Variants in ENTPD5 observed in about 807,000 individuals in gnomAD.
ENTPD5 encodes ectonucleoside triphosphate diphosphohydrolase 5 (inactive).
ENTPD5 carries 49 observed loss-of-function variants against 60.2 expected under a neutral mutation model. The observed-to-expected ratio is 0.81, with a 90% CI of 0.65 to 1.03. ENTPD5 has a LOEUF of 1.03. Among genes scored for constraint, ENTPD5 ranks in the 50% least tolerant of loss-of-function variants. The pLI is 0.00. For synonymous variants in ENTPD5, 187 were observed against 185.4 expected (o/e 1.01, Z -0.07); for missense variants, 480 against 507.6 (o/e 0.95, Z 0.52).
In ENTPD5 at chr14:73,987,883, T is replaced by TA; in HGVS notation, c.217+2dup. On this transcript the variant is annotated splice_region_variant and intron_variant, in intron 4 of 15. Transcript: ENST00000334696. ...CTCTACTAAGGGTCCCAGTTGCACT[T>TA]ACCTGGCATTTTCTGCACAAAGGTG... is the stretch of plus-strand genomic sequence containing the variant. 2 of 1,614,076 alleles carry TA rather than the reference T, an allele frequency of 1.2e-6. No homozygotes were observed. The highest frequency in any genetic ancestry group is 1.7e-6 in the Non-Finnish European group (2 of 1,179,990).
At chr14:73,983,675 A>T (rs2057783896) in intron 5 of ENTPD5, among the ~76,000 whole-genome samples, 1 of 127,670 alleles carries the variant, frequency 7.8e-6, no homozygotes, top group South Asian at 3.1e-4. Flanking sequence ...CCTAATAAAA[A>T]ATTATTATTA....
chr14:73,979,786 T>C (rs896799446), intron 6 of ENTPD5, among the ~76,000 whole-genome samples: 24 of 152,012 alleles, frequency 1.6e-4, no homozygotes, highest in African/African-American at 5.6e-4. Context: ...AGCACTCTTA[T>C]GTTGAATAAA....
chr14:73,975,882 A>G lies in ENTPD5; in HGVS notation c.722+54T>C, dbSNP rs571243418. On this transcript the variant is annotated intron_variant, in intron 10 of 15. Transcript: ENST00000334696. ...TAACAGATTTGAGAATGCTTTGGAA[A>G]GTTAGGAGAATCATACAACATGAAA... 2.8e-6 allele frequency: 4 copies of G among 1,407,180 alleles called. No individual in the cohort carries two copies. In the African/African-American group the frequency reaches 4.3e-5, roughly 15 times the overall value. The allele number at this position is 1,407,180 out of a possible 1,614,324, so 87.2% of individuals were successfully genotyped here.
At chr14:74,011,499 A>G (rs1566771590) in intron 2 of ENTPD5, among the ~76,000 whole-genome samples, 1 of 152,206 alleles carries the variant, frequency 6.6e-6, no homozygotes, top group East Asian at 1.9e-4. Flanking sequence ...GAGCTAATTC[A>G]TAAGTAAAGT....
In ENTPD5 at chr14:73,976,006, C is replaced by A; in HGVS notation, c.652G>T (p.Glu218Ter). 3 of 1,613,070 alleles carry A rather than the reference C, an allele frequency of 1.9e-6. No individual in the cohort carries two copies. The highest frequency in any genetic ancestry group is 1.1e-5 in the South Asian group (1 of 91,064). The change falls in exon 10 of 16, where the codon GAA (glutamate) becomes TAA (stop). Residue 218 changes from glutamate (E) to a stop codon, truncating the protein, a stop_gained. Coordinates refer to ENST00000334696, the MANE Select transcript of ENTPD5 (RefSeq NM_001249.5). LOFTEE classifies it high-confidence loss of function. ...TFLPQFEKTL[E>*]QTPRGYLTSF... ...GTGAGGTAGCCCCTAGGAGTTTGTTCCAGAGTTTTCTGCAAATCAGAAAAA... is the reference window on the plus strand; with the variant it reads ...GTGAGGTAGCCCCTAGGAGTTTGTTACAGAGTTTTCTGCAAATCAGAAAAA...
intron 3 of ENTPD5, chr14:74,009,282 C>T (rs1357560788): frequency 6.6e-6 from 1 of 152,224 alleles, no homozygotes; most frequent in Non-Finnish European, 1.5e-5. Flanking sequence ...TAAGCTCTGT[C>T]TGCCTCCAAA....
intron 3 of ENTPD5, among the ~76,000 whole-genome samples, chr14:73,990,680 T>C (rs1410636484): frequency 6.6e-6 from 1 of 151,964 alleles, no homozygotes; most frequent in Non-Finnish European, 1.5e-5. Flanking sequence ...TTTTTTTCCA[T>C]CATTCTGCAA....
chr14:73,959,309 G>A (rs773728803), downstream of ENTPD5: 6 of 1,614,076 alleles, frequency 3.7e-6, no homozygotes, highest in Non-Finnish European at 5.1e-6. Flanking sequence ...GGTTTCAAGG[G>A]AATCTGCCCA....
At chr14:74,003,107 T>C (rs2058561407) in intron 3 of ENTPD5, among the ~76,000 whole-genome samples, 1 of 152,244 alleles carries the variant, frequency 6.6e-6, no homozygotes, top group Non-Finnish European at 1.5e-5. Flanking sequence ...ACCTCTCACC[T>C]TCACATGCTC....
chr14:73,976,231 A>T, intron 9 of ENTPD5, 93 bp downstream of exon 9: 1 of 1,106,166 alleles, frequency 9.0e-7, no homozygotes, highest in Non-Finnish European at 1.4e-6. Context: ...TAAGCGTGGT[A>T]GAGCTGCTGG....
At chr14:73,961,613 A>T (rs1448015018), downstream of ENTPD5, 14 of 1,609,548 alleles carry the variant, frequency 8.7e-6, no homozygotes, top group Non-Finnish European at 1.2e-5. Flanking sequence ...GAGGTCATAT[A>T]GTTAGGCAAG....
intron 3 of ENTPD5, among the ~76,000 whole-genome samples, chr14:74,010,397 A>G (rs1686450364): frequency 1.3e-5 from 2 of 152,148 alleles, no homozygotes; most frequent in South Asian, 4.1e-4. Context: ...TCTACTAAAA[A>G]TACAAAATTA....
chr14:73,955,607 C>A, downstream of ENTPD5: 1 of 1,375,832 alleles, frequency 7.3e-7, no homozygotes, highest in Non-Finnish European at 1.0e-6. Flanking sequence ...TAGGAGGAAT[C>A]AGACAAGGTT....
At chr14:73,993,227 C>T (rs1379995459) in intron 3 of ENTPD5, among the ~76,000 whole-genome samples, 1 of 152,046 alleles carries the variant, frequency 6.6e-6, no homozygotes, top group Non-Finnish European at 1.5e-5. Flanking sequence ...GTCCTAGCTA[C>T]TTGGGAAGCT....
At chr14:73,988,259 G>A in intron 3 of ENTPD5, 87 bp from the exon 4 acceptor site, 1 of 1,280,678 alleles carries the variant, frequency 7.8e-7, no homozygotes, top group Non-Finnish European at 1.0e-6. Flanking sequence ...TGGGCCCAAG[G>A]TGTTCCTTCC....
intron 3 of ENTPD5, among the ~76,000 whole-genome samples, chr14:74,007,388 G>C (rs1312356065): frequency 2.6e-5 from 4 of 152,086 alleles, no homozygotes; most frequent in Non-Finnish European, 5.9e-5. Context: ...GGGCATGCTG[G>C]CGCATGCCTG....
chr14:73,961,340 T>C, downstream of ENTPD5: 6 of 1,614,228 alleles, frequency 3.7e-6, no homozygotes, highest in Non-Finnish European at 4.2e-6. Flanking sequence ...TGGGACATGC[T>C]GCTGAGTACG....
chr14:73,983,623 CAA>C (rs368194848), intron 5 of ENTPD5, among the ~76,000 whole-genome samples: 16 of 104,432 alleles, frequency 1.5e-4, no homozygotes, highest in Non-Finnish European at 1.2e-4. Context: ...CACTCCATCT[CAA>C]AAAAAAAAAA....
chr14:73,984,875 T>A (rs1037793705), intron 5 of ENTPD5, among the ~76,000 whole-genome samples: 1 of 152,100 alleles, frequency 6.6e-6, no homozygotes, highest in Non-Finnish European at 1.5e-5. Context: ...ATTAGGTATA[T>A]CTCCTAATGC....
Sources: allele counts gnomAD v4.1 joint callset (sites outside exome capture counted in the v4.1 genomes callset), GRCh38; gene constraint gnomAD v4.1.1; transcripts MANE v1.5; gene names NCBI Gene and HGNC (gene_info 2026-07-23, HGNC 2026-07-21).